AGBL1: variants seen among roughly 807,000 people sequenced by gnomAD.
The protein encoded by AGBL1 is cytosolic carboxypeptidase 4.
A neutral mutation model predicts 118.9 loss-of-function variants in AGBL1; 130 were observed. The observed-to-expected ratio is 1.09, with a 90% CI of 0.95 to 1.26. AGBL1 has a LOEUF of 1.26. Among genes scored for constraint, AGBL1 ranks in the 50% most tolerant of loss-of-function variants. The pLI is 0.00. For synonymous variants in AGBL1, 555 were observed against 478.9 expected, an observed-to-expected ratio of 1.16 and a Z score of -2.08; for missense variants, 1,584 against 1,298.1, an observed-to-expected ratio of 1.22 and a Z score of -3.38.
intron 23 of AGBL1, among the ~76,000 whole-genome samples, chr15:86,922,921 C>A (rs1409429653): frequency 1.3e-5 from 2 of 152,146 alleles, no homozygotes; most frequent in Non-Finnish European, 2.9e-5. Context: ...AGCTTATTAT[C>A]ACAGCTGTGG....
chr15:86,517,316 A>G (rs2083133628), intron 18 of AGBL1, among the ~76,000 whole-genome samples: 1 of 152,216 alleles, frequency 6.6e-6, no homozygotes, highest in Non-Finnish European at 1.5e-5. Context: ...TACACAGTCC[A>G]TTAGGATCTT....
intron 19 of AGBL1, among the ~76,000 whole-genome samples, chr15:86,525,775 A>G (rs1011069904): frequency 2.6e-5 from 4 of 152,164 alleles, no homozygotes; most frequent in African/African-American, 9.7e-5. Context: ...AAGAAAACCT[A>G]CGAAAAACTC....
rs1281838915 is a variant in AGBL1, at chr15:86,398,178, T to G, written c.2555+632T>G. On this transcript the variant is annotated intron_variant, in intron 18 of 22. Coordinates refer to ENST00000614907, the MANE Select transcript of AGBL1 (RefSeq NM_001386094.1). ...TCTCTTTACCTAGCCCTTACAGAAC[T>G]CTTCGAAATATATGATGGGAAAGAT... Among the ~76,000 whole-genome samples the G allele has an allele frequency of 5.3e-5, 8 of 152,160 alleles. No individual in the cohort carries two copies. The East Asian group carries it at 1.5e-3, about 29-fold the overall frequency.
chr15:86,819,940 A>G (rs1217741497), intron 22 of AGBL1, among the ~76,000 whole-genome samples: 3 of 152,214 alleles, frequency 2.0e-5, no homozygotes, highest in Admixed American at 6.5e-5. Flanking sequence ...GTACCAAAAC[A>G]GATATATAGA....
intron 21 of AGBL1, among the ~76,000 whole-genome samples, chr15:86,600,563 G>C (rs1442390752): frequency 6.6e-6 from 1 of 152,102 alleles, no homozygotes; most frequent in African/African-American, 2.4e-5. Flanking sequence ...GGCAGTATGG[G>C]ATGGGTTTAC....
chr15:86,421,376 A>G (rs939288597), intron 18 of AGBL1, among the ~76,000 whole-genome samples: 6 of 152,236 alleles, frequency 3.9e-5, no homozygotes, highest in Admixed American at 1.3e-4. Context: ...GTGAAGGAGA[A>G]TAAAATCCTT....
intron 22 of AGBL1, among the ~76,000 whole-genome samples, chr15:86,748,990 T>C (rs1258720453): frequency 2.6e-5 from 4 of 152,058 alleles, no homozygotes; most frequent in Non-Finnish European, 5.9e-5. Context: ...CTTGGCAATG[T>C]GGGCTCTTTT....
intron 18 of AGBL1, among the ~76,000 whole-genome samples, chr15:86,454,851 C>T (rs1189730236): frequency 6.6e-6 from 1 of 152,088 alleles, no homozygotes; most frequent in African/African-American, 2.4e-5. Context: ...TCAAACTACG[C>T]TTTAGATGGG....
At chr15:86,578,111 C>G (rs1289866623) in intron 21 of AGBL1, among the ~76,000 whole-genome samples, 1 of 152,176 alleles carries the variant, frequency 6.6e-6, no homozygotes, top group Non-Finnish European at 1.5e-5. Flanking sequence ...ACACTCAACA[C>G]CAGCCTGTGA....
intron 23 of AGBL1, among the ~76,000 whole-genome samples, chr15:86,970,843 C>A (rs559946580): frequency 3.0e-4 from 46 of 152,064 alleles, no homozygotes; most frequent in African/African-American, 1.1e-3. Flanking sequence ...TCTACAGATT[C>A]AACGAACTGA....
intron 22 of AGBL1, among the ~76,000 whole-genome samples, chr15:86,898,353 T>C (rs1596608701): frequency 1.3e-5 from 2 of 152,240 alleles, no homozygotes; most frequent in South Asian, 2.1e-4. Context: ...ACATTTAAGG[T>C]TTTAATCTAT....
chr15:86,818,420 A>G (rs1164755837), intron 22 of AGBL1, among the ~76,000 whole-genome samples: 6 of 152,170 alleles, frequency 3.9e-5, no homozygotes, highest in African/African-American at 1.2e-4. Context: ...CATGCAAGGA[A>G]TCCAGGTTGC....
At chr15:86,879,825 C>A (rs1172724635) in intron 22 of AGBL1, among the ~76,000 whole-genome samples, 1 of 152,122 alleles carries the variant, frequency 6.6e-6, no homozygotes, top group Non-Finnish European at 1.5e-5. Flanking sequence ...GGGCTCTGGG[C>A]AGCAGCCACA....
At chr15:86,243,263 G>T (rs2078667469) in intron 6 of AGBL1, among the ~76,000 whole-genome samples, 1 of 152,134 alleles carries the variant, frequency 6.6e-6, no homozygotes, top group Non-Finnish European at 1.5e-5. Flanking sequence ...AAGTATTCTT[G>T]TTACCTTGGC....
intron 18 of AGBL1, among the ~76,000 whole-genome samples, chr15:86,502,526 A>G (rs1483412375): frequency 3.3e-5 from 5 of 151,402 alleles, no homozygotes; most frequent in Non-Finnish European, 7.4e-5. Flanking sequence ...TTGGCAGGAA[A>G]ATTTTCAGTC....
In AGBL1 at chr15:86,968,140, C is replaced by T. The variant is rs1025732332; in HGVS notation, c.3222-19847C>T. Among the ~76,000 whole-genome samples, 15 of 151,820 alleles carry T rather than the reference C, an allele frequency of 9.9e-5. 1 individual carries two copies. In the East Asian group the frequency reaches 2.7e-3, roughly 28 times the overall value. Reference sequence around the variant, plus strand: ...AAGGTGAGGAGAGTCTCTTCCTGAACATGCAGAAAGAGGGTCACCCAAAAT... The same window carrying T: ...AAGGTGAGGAGAGTCTCTTCCTGAATATGCAGAAAGAGGGTCACCCAAAAT... On this transcript the variant is annotated intron_variant, in intron 23 of 24. Transcript: ENST00000441037.
chr15:86,323,306 A>C (rs1390112100), intron 17 of AGBL1, among the ~76,000 whole-genome samples: 1 of 151,986 alleles, frequency 6.6e-6, no homozygotes, highest in Non-Finnish European at 1.5e-5. Context: ...GGCTGTGGGG[A>C]TCAGGAAAAT....
chr15:86,443,904 G>A (rs2082092732), intron 18 of AGBL1, among the ~76,000 whole-genome samples: 1 of 152,048 alleles, frequency 6.6e-6, no homozygotes, highest in Admixed American at 6.6e-5. Context: ...GACTAGTGCT[G>A]CAATAAACAT....
At chr15:86,693,084 T>A (rs1289022381) in intron 22 of AGBL1, among the ~76,000 whole-genome samples, 1 of 152,166 alleles carries the variant, frequency 6.6e-6, no homozygotes. Flanking sequence ...TGTGCAAGTA[T>A]CTTTTTCGTA....
Sources: gnomAD v4.1 joint callset for allele counts (sites outside exome capture counted in the v4.1 genomes callset) on GRCh38, gnomAD v4.1.1 for gene constraint, MANE v1.5 for transcripts, NCBI Gene and HGNC (gene_info 2026-07-23, HGNC 2026-07-21) for gene names.